GGACT: variants seen among roughly 807,000 people sequenced by gnomAD.
GGACT encodes gamma-glutamylaminecyclotransferase.
For synonymous variants in GGACT, 118 were observed against 115.3 expected (o/e 1.02, Z -0.15); for missense variants, 241 against 233.2 (o/e 1.03, Z -0.22).
At chr13:100,539,720 C>T (rs1014042064) in intron 2 of GGACT, 1 of 606,000 alleles carries the variant, frequency 1.7e-6, no homozygotes, top group Non-Finnish European at 2.9e-6. Flanking sequence ...CTGAAATGTT[C>T]CTTCTTCTTC....
At chr13:100,567,709 A>G (rs1566537019) in intron 2 of GGACT, among the ~76,000 whole-genome samples, 1 of 152,212 alleles carries the variant, frequency 6.6e-6, no homozygotes, top group Non-Finnish European at 1.5e-5. Flanking sequence ...GTTCACTTCT[A>G]TATCTGTCTA....
chr13:100,535,952 G>A (rs2088485790), intron 2 of GGACT: 1 of 151,984 alleles, frequency 6.6e-6, no homozygotes, highest in South Asian at 2.1e-4. Context: ...TGCCATCCAG[G>A]CCACCCTCAT....
chr13:100,536,575 C>T (rs1383913181), intron 2 of GGACT: 1 of 149,940 alleles, frequency 6.7e-6, no homozygotes, highest in Non-Finnish European at 1.5e-5. Flanking sequence ...TTTCTTCATT[C>T]CCTTCATTGC....
chr13:100,552,850 A>T (rs2088677188), intron 2 of GGACT, among the ~76,000 whole-genome samples: 1 of 152,174 alleles, frequency 6.6e-6, no homozygotes, highest in Admixed American at 6.5e-5. Context: ...AGTGCTGCTG[A>T]TGAGAGGACA....
intron 2 of GGACT, among the ~76,000 whole-genome samples, chr13:100,566,410 T>C (rs1343932987): frequency 2.0e-5 from 3 of 152,238 alleles, no homozygotes; most frequent in Non-Finnish European, 2.9e-5. Flanking sequence ...CTTCACACTC[T>C]TCACTCCTCA....
rs1451978158 is a variant in GGACT, at chr13:100,532,039, C to T, written c.*91G>A. 4 of 866,634 alleles carry T rather than the reference C, an allele frequency of 4.6e-6. No homozygotes were observed. Among genetic ancestry groups the T allele is most frequent in the Non-Finnish European group, 6.5e-6 (4 of 613,466 alleles). The allele number at this position is 866,634 out of a possible 1,614,324, so 53.7% of individuals were successfully genotyped here. A position where few individuals can be genotyped will look rare whatever the true frequency, so the allele number is the denominator to read the frequency against. ...TTTCCGGCAGATTCATTGGAAAGGG[C>T]CCTGTTCGGCTTCCGCCTTCACCCA... On this transcript the variant is annotated 3_prime_UTR_variant, in exon 3 of 3. Transcript: ENST00000683975.
At chr13:100,542,342 G>T (rs1465229109) in intron 2 of GGACT, among the ~76,000 whole-genome samples, 1 of 152,196 alleles carries the variant, frequency 6.6e-6, no homozygotes, top group Non-Finnish European at 1.5e-5. Flanking sequence ...GTTGGGGAGA[G>T]CACGGTTTGT....
chr13:100,559,280 C>G (rs935694256), intron 2 of GGACT, among the ~76,000 whole-genome samples: 5 of 152,120 alleles, frequency 3.3e-5, no homozygotes, highest in Admixed American at 1.3e-4. Context: ...CTCCGCCTCC[C>G]TGGCTCAAGC....
At position 100,532,766 on chromosome 13, in the gene GGACT, T is replaced by C. The variant is rs1192948234; in HGVS notation, c.-10-165A>G. On this transcript the variant is annotated intron_variant, in intron 2 of 2. Coordinates refer to ENST00000683975, the MANE Select transcript of GGACT (RefSeq NM_001195087.2). The stretch of plus-strand genomic sequence containing the variant: ...CTTACCGACGCAGATGAGAATGACC[T>C]ACAGTTTTCACACATCATGAGATAT... Among the ~76,000 whole-genome samples the C allele has an allele frequency of 6.6e-5, 10 of 152,250 alleles. No homozygotes were observed. The East Asian group carries it at 1.9e-3, about 29-fold the overall frequency.
At chr13:100,533,891 C>T (rs748098129) in intron 2 of GGACT, 1 of 152,352 alleles carries the variant, frequency 6.6e-6, no homozygotes, top group Admixed American at 6.5e-5. Flanking sequence ...CCTGTGTGCC[C>T]CCGCCATGAG....
intron 2 of GGACT, among the ~76,000 whole-genome samples, chr13:100,583,320 ATAAAAT>A (rs1372284613): frequency 2.6e-5 from 4 of 152,248 alleles, no homozygotes; most frequent in African/African-American, 9.6e-5. Flanking sequence ...TTTTAAGTAC[ATAAAAT>A]TAAAATTTTT....
chr13:100,564,387 C>A (rs997631633), intron 2 of GGACT, among the ~76,000 whole-genome samples: 2 of 152,230 alleles, frequency 1.3e-5, no homozygotes, highest in African/African-American at 2.4e-5. Context: ...ATTCAACCTT[C>A]ACCTACATGG....
chr13:100,537,916 G>C (rs921794251), intron 2 of GGACT: 1 of 152,272 alleles, frequency 6.6e-6, no homozygotes, highest in Non-Finnish European at 1.5e-5. Context: ...TTTCATCCAA[G>C]AGTGGACAAG....
At chr13:100,555,251 A>G (rs2088700527) in intron 2 of GGACT, among the ~76,000 whole-genome samples, 1 of 152,220 alleles carries the variant, frequency 6.6e-6, no homozygotes, top group African/African-American at 2.4e-5. Flanking sequence ...ACAGCCAGGC[A>G]TGGTAACTCA....
At chr13:100,546,024 C>T (rs536060262) in intron 2 of GGACT, among the ~76,000 whole-genome samples, 1 of 152,294 alleles carries the variant, frequency 6.6e-6, no homozygotes, top group East Asian at 1.9e-4. Flanking sequence ...AGAATATGTG[C>T]ACCTCAAGAG....
At position 100,583,923 on chromosome 13, in the gene GGACT, G is replaced by T. The variant is rs929270647; in HGVS notation, c.-109C>A. On this transcript the variant is annotated 5_prime_UTR_variant, in exon 2 of 3. Coordinates refer to ENST00000683975, the MANE Select transcript of GGACT (RefSeq NM_001195087.2). ...TTTTGACTTCAGAATCCTTCCACAT[G>T]ATTCAAGAAAAAGTTAAGTCCACTT... is the stretch of plus-strand genomic sequence containing the variant. The T allele has an allele frequency of 3.9e-5, 6 of 152,138 alleles. No individual in the cohort carries two copies. The highest frequency in any genetic ancestry group is 2.6e-4 in the Admixed American group (4 of 15,276). 9.4% of individuals were successfully genotyped at this position (152,138 alleles called of 1,614,324 possible).
At chr13:100,562,899 AAG>A (rs1018683183) in intron 2 of GGACT, among the ~76,000 whole-genome samples, 3 of 152,102 alleles carry the variant, frequency 2.0e-5, no homozygotes, top group African/African-American at 7.2e-5. Flanking sequence ...ACCCCAAAAA[AAG>A]AGCTCCCGTT....
chr13:100,550,359 TGGCCC>T (rs2088650541), intron 2 of GGACT, among the ~76,000 whole-genome samples: 3 of 116,622 alleles, frequency 2.6e-5, no homozygotes, highest in Admixed American at 9.0e-5. Flanking sequence ...CACACACCAC[TGGCCC>T]TTCTAAGGAA....
rs576088317 is a variant in GGACT, at chr13:100,570,845, C to A, written c.-11+12980G>T. Among the ~76,000 whole-genome samples, 5 of 152,064 alleles carry A rather than the reference C, an allele frequency of 3.3e-5. 1 individual carries two copies. The highest frequency in any genetic ancestry group is 1.2e-4 in the African/African-American group (5 of 41,484). On this transcript the variant is annotated intron_variant, in intron 2 of 2. Transcript: ENST00000683975. ...AGACTGGGGTGCTGCTATAAGGATA[C>A]CCAAAAACGTGGAATCTTAGGCTTA...
Sources: gnomAD v4.1 joint callset for allele counts (sites outside exome capture counted in the v4.1 genomes callset) on GRCh38, gnomAD v4.1.1 for gene constraint, MANE v1.5 for transcripts, NCBI Gene and HGNC (gene_info 2026-07-23, HGNC 2026-07-21) for gene names.